Variants in MOSMO observed in about 807,000 individuals in gnomAD.
MOSMO encodes the protein modulator of smoothened.
MOSMO carries 5 observed loss-of-function variants against 18.4 expected under a neutral mutation model. That is an observed-to-expected ratio of 0.27 (90% CI 0.14 to 0.57). The LOEUF (loss-of-function observed/expected upper bound fraction) is 0.57. Among genes scored for constraint, MOSMO ranks in the 20% least tolerant of loss-of-function variants. The probability of loss-of-function intolerance (pLI) is 0.92; values close to 1 mark genes in which losing one functional copy is unlikely to be tolerated. For missense variants in MOSMO, 138 were observed against 211.8 expected (o/e 0.65, Z 2.16); for synonymous variants, 82 against 82.3 (o/e 1.00, Z 0.02).
downstream of MOSMO, among the ~76,000 whole-genome samples, chr16:22,091,023 G>A (rs1426975344): frequency 3.3e-5 from 5 of 151,910 alleles, no homozygotes; most frequent in Non-Finnish European, 7.4e-5. Context: ...ACCTGCTTGG[G>A]GCTCCCGTGC....
chr16:22,081,064 T>A lies in MOSMO; in HGVS notation c.*184T>A, dbSNP rs1209590222. ...TTGTTCTCACTATGCACTTTGGATTTAAAAAAAAAAAAAAAAAGGAGAGCC... is the reference window on the plus strand; with the variant it reads ...TTGTTCTCACTATGCACTTTGGATTAAAAAAAAAAAAAAAAAAGGAGAGCC... On this transcript the variant is annotated 3_prime_UTR_variant, in exon 3 of 3. Coordinates refer to ENST00000542527, the MANE Select transcript of MOSMO (RefSeq NM_001164579.2). The A allele has an allele frequency of 1.6e-4, 29 of 177,314 alleles. No homozygotes were observed. The highest frequency in any genetic ancestry group is 2.1e-4 in the Non-Finnish European group (19 of 89,604). The allele number at this position is 177,314 out of a possible 1,614,324, so 11.0% of individuals were successfully genotyped here.
At position 22,035,396 on chromosome 16, in the gene MOSMO, A is replaced by ATTT. The variant is rs1160059034; in HGVS notation, c.106+27005_106+27007dup. ...TTTCCCCTGCCAGAAGCAGGAGGGG[A>ATTT]TTTTTTTTTTTTTTTTTTAATCTTC... On this transcript the variant is annotated intron_variant, in intron 1 of 2. Transcript: ENST00000542527. Among the ~76,000 whole-genome samples, 27 of 133,352 alleles carry ATTT rather than the reference A, an allele frequency of 2.0e-4. No individual in the cohort carries two copies. In the East Asian group the frequency reaches 2.8e-3, roughly 14 times the overall value. 87.5% of individuals were successfully genotyped at this position (133,352 alleles called of 152,430 possible).
Position 22,082,146 on chromosome 16 carries a change from AT to A in MOSMO, c.*1271del, listed in dbSNP as rs918985976. On this transcript the variant is annotated 3_prime_UTR_variant, in exon 3 of 3. Coordinates refer to ENST00000542527, the MANE Select transcript of MOSMO (RefSeq NM_001164579.2). ...GGCTATTTACAACACTAATTTCATT[AT>A]TTTTATCTGTAAGCATTATTAATAC... is the stretch of plus-strand genomic sequence containing the variant. The A allele has an allele frequency of 6.6e-6, 1 of 152,170 alleles. No individual in the cohort carries two copies. Among genetic ancestry groups the A allele is most frequent in the Non-Finnish European group, 1.5e-5 (1 of 68,014 alleles). 9.4% of individuals were successfully genotyped at this position (152,170 alleles called of 1,614,324 possible).
rs1482012412 is a variant in MOSMO, at chr16:22,081,633, T to C, written c.*753T>C. 1 of 147,686 alleles carries C rather than the reference T, an allele frequency of 6.8e-6. No homozygotes were observed. The highest frequency in any genetic ancestry group is 1.5e-5 in the Non-Finnish European group (1 of 67,406). 9.1% of individuals were successfully genotyped at this position (147,686 alleles called of 1,614,324 possible). Reference sequence around the variant, plus strand: ...CAGTGTGTATATATGTGTGTGTGTGTGTGTGTGTATGTGTGTGTAAATTTA... The same window carrying C: ...CAGTGTGTATATATGTGTGTGTGTGCGTGTGTGTATGTGTGTGTAAATTTA... On this transcript the variant is annotated 3_prime_UTR_variant, in exon 3 of 3. Coordinates refer to ENST00000542527, the MANE Select transcript of MOSMO (RefSeq NM_001164579.2).
At chr16:22,040,016 A>G (rs1900180841) in intron 1 of MOSMO, among the ~76,000 whole-genome samples, 2 of 152,254 alleles carry the variant, frequency 1.3e-5, no homozygotes, top group East Asian at 3.8e-4. Flanking sequence ...CATGGAAGGC[A>G]TTGGATCTGT....
At chr16:22,038,894 T>C (rs1480343317) in intron 1 of MOSMO, among the ~76,000 whole-genome samples, 2 of 152,064 alleles carry the variant, frequency 1.3e-5, no homozygotes, top group Admixed American at 1.3e-4. Flanking sequence ...AAAACTGACA[T>C]GGGAGAAAGC....
intron 1 of MOSMO, among the ~76,000 whole-genome samples, chr16:22,067,140 CAAACTT>C (rs1475696455): frequency 3.3e-5 from 5 of 151,944 alleles, no homozygotes; most frequent in Admixed American, 2.0e-4. Context: ...AAAGAATCAT[CAAACTT>C]AAAGACACAT....
At chr16:22,044,769 A>G (rs939113949) in intron 1 of MOSMO, among the ~76,000 whole-genome samples, 1 of 152,182 alleles carries the variant, frequency 6.6e-6, no homozygotes, top group African/African-American at 2.4e-5. Context: ...GCCTTGCTGT[A>G]TAGCTTACTG....
intron 1 of MOSMO, among the ~76,000 whole-genome samples, chr16:22,025,559 A>G (rs1899858744): frequency 6.6e-6 from 1 of 152,194 alleles, no homozygotes; most frequent in African/African-American, 2.4e-5. Context: ...AATTGAAATC[A>G]GTGAGCCTAA....
At chr16:22,015,678 C>G (rs561959994) in intron 1 of MOSMO, among the ~76,000 whole-genome samples, 41 of 152,156 alleles carry the variant, frequency 2.7e-4, no homozygotes, top group African/African-American at 9.9e-4. Flanking sequence ...CTGTGAATTC[C>G]CAGAGTGGAC....
intron 1 of MOSMO, among the ~76,000 whole-genome samples, chr16:22,062,921 C>T (rs963899290): frequency 1.3e-5 from 2 of 152,190 alleles, no homozygotes; most frequent in Non-Finnish European, 2.9e-5. Context: ...GACGCGATCT[C>T]GGCTCACTGC....
Position 22,081,697 on chromosome 16 carries a change from T to C in MOSMO, c.*817T>C, listed in dbSNP as rs1368654138. 6.6e-6 allele frequency: 1 copy of C among 151,668 alleles called. No homozygotes were observed. Among genetic ancestry groups the C allele is most frequent in the Non-Finnish European group, 1.5e-5 (1 of 67,962 alleles). The allele number at this position is 151,668 out of a possible 1,614,324, so 9.4% of individuals were successfully genotyped here. A position where few individuals can be genotyped will look rare whatever the true frequency, so the allele number is the denominator to read the frequency against. On this transcript the variant is annotated 3_prime_UTR_variant, in exon 3 of 3. Transcript: ENST00000542527. ...GCAAACAGTTCCTGGAAGAGAATTC[T>C]GAATGCTTTGCTAGCAAAACACTGT...
chr16:22,069,585 A>G (rs1201818875), intron 1 of MOSMO, among the ~76,000 whole-genome samples: 6 of 152,244 alleles, frequency 3.9e-5, no homozygotes, highest in Admixed American at 3.3e-4. Context: ...TGAAGAAGCT[A>G]TATCAAATGC....
At chr16:22,038,032 C>T (rs967997053) in intron 1 of MOSMO, among the ~76,000 whole-genome samples, 7 of 152,178 alleles carry the variant, frequency 4.6e-5, no homozygotes, top group African/African-American at 1.7e-4. Context: ...TTGATCTTTC[C>T]CATGACCAGC....
chr16:22,073,462 T>TA (rs1900899981), intron 1 of MOSMO, among the ~76,000 whole-genome samples: 1 of 152,084 alleles, frequency 6.6e-6, no homozygotes, highest in Non-Finnish European at 1.5e-5. Flanking sequence ...AGTTTCCTGT[T>TA]AAGAGTTCTC....
intron 1 of MOSMO, among the ~76,000 whole-genome samples, chr16:22,010,338 G>A (rs1000463387): frequency 5.3e-5 from 8 of 152,262 alleles, no homozygotes; most frequent in African/African-American, 9.6e-5. Flanking sequence ...GTTGCTGCCC[G>A]ACAACTTAAC....
At chr16:22,052,029 T>C (rs889390613) in intron 1 of MOSMO, among the ~76,000 whole-genome samples, 3 of 152,306 alleles carry the variant, frequency 2.0e-5, no homozygotes, top group Admixed American at 1.3e-4. Flanking sequence ...GCAATATCTG[T>C]GAACATTTTA....
intron 1 of MOSMO, among the ~76,000 whole-genome samples, chr16:22,034,048 A>T (rs1900052419): frequency 6.6e-6 from 1 of 152,164 alleles, no homozygotes; most frequent in Admixed American, 6.5e-5. Flanking sequence ...CCACGGGGAC[A>T]CTCTATGTAC....
At chr16:22,029,211 T>C (rs1339198390) in intron 1 of MOSMO, among the ~76,000 whole-genome samples, 3 of 152,224 alleles carry the variant, frequency 2.0e-5, no homozygotes, top group African/African-American at 7.2e-5. Flanking sequence ...GATGGTTTAA[T>C]GTACATACAT....
Sources: allele counts gnomAD v4.1 joint callset (sites outside exome capture counted in the v4.1 genomes callset), GRCh38; gene constraint gnomAD v4.1.1; transcripts MANE v1.5; gene names NCBI Gene and HGNC (gene_info 2026-07-23, HGNC 2026-07-21).